Variants in GPRC5C observed in about 807,000 individuals in gnomAD.
GPRC5C encodes the protein G protein-coupled receptor family C group 5 member C.
Under a neutral mutation model 31.4 loss-of-function variants are expected in GPRC5C, and 22 were observed. The ratio of observed to expected loss-of-function variants is 0.70; its 90% confidence interval spans 0.50 to 1.00. The LOEUF is 1.00. GPRC5C is among the 50% of genes least tolerant of loss of function. GPRC5C has a pLI of 0.00. For missense variants in GPRC5C, 557 were observed against 597.2 expected (o/e 0.93, Z 0.70); for synonymous variants, 249 against 257.5 (o/e 0.97, Z 0.32).
intron 2 of GPRC5C, chr17:74,443,263 G>C (rs894814975): frequency 1.0e-4 from 22 of 220,974 alleles, no homozygotes; most frequent in Non-Finnish European, 1.6e-4. Flanking sequence ...CTTGCCAGGG[G>C]GCCACAGGCT....
intron 1 of GPRC5C, among the ~76,000 whole-genome samples, chr17:74,434,872 G>A (rs1448518661): frequency 7.9e-5 from 12 of 151,462 alleles, no homozygotes; most frequent in Admixed American, 5.9e-4. Context: ...GCAGTGAGCC[G>A]AGATCATGCC....
At chr17:74,433,692 C>T (rs573713994) in intron 1 of GPRC5C, 8 of 1,609,706 alleles carry the variant, frequency 5.0e-6, no homozygotes, top group Non-Finnish European at 6.0e-6. Flanking sequence ...TCTGTGGTAT[C>T]CCTGGGGGAA....
At position 74,440,607 on chromosome 17, in the gene GPRC5C, C is replaced by T; in HGVS notation, c.831C>T (p.Asp277=). Reference sequence around the variant, plus strand: ...AGCACAACAGTCCCACCTGGGATGACCCCACGCTGGCCATCGCCCTCGCCG... The same window carrying T: ...AGCACAACAGTCCCACCTGGGATGATCCCACGCTGGCCATCGCCCTCGCCG... The part of the protein sequence containing the change: ...NKQHNSPTWD[D]PTLAIALAAN... Residue 277 remains aspartate (D), a synonymous_variant, in exon 2 of 4, where the codon GAC becomes GAT. Coordinates refer to ENST00000392627, the MANE Select transcript of GPRC5C (RefSeq NM_022036.4). This position sits in a 1 kb window ranked among gnomAD's most constrained non-coding sequence, Gnocchi z 4.4. The T allele has an allele frequency of 6.2e-7, 1 of 1,611,440 alleles. No individual in the cohort carries two copies. The highest frequency in any genetic ancestry group is 8.5e-7 in the Non-Finnish European group (1 of 1,177,716).
At chr17:74,446,721 CAGAGG>C (rs2055641025) in intron 3 of GPRC5C, 123 bp from the exon 4 acceptor site, 1 of 728,846 alleles carries the variant, frequency 1.4e-6, no homozygotes, top group Admixed American at 2.6e-5. Context: ...CCAGAGGGGG[CAGAGG>C]AGCCGAGGGG....
intron 1 of GPRC5C, chr17:74,433,846 A>C: frequency 4.2e-6 from 4 of 953,028 alleles, no homozygotes; most frequent in Non-Finnish European, 6.9e-6. Flanking sequence ...AGGGGGTCTC[A>C]GGCTTGTGTG....
At chr17:74,438,037 TTTTC>T (rs1048432613) in intron 1 of GPRC5C, among the ~76,000 whole-genome samples, 5 of 151,384 alleles carry the variant, frequency 3.3e-5, no homozygotes, top group Admixed American at 2.0e-4. Flanking sequence ...TTTTCTTTTC[TTTTC>T]TTTCTTTTTT....
chr17:74,449,202 C>T, downstream of GPRC5C: 2 of 411,862 alleles, frequency 4.9e-6, no homozygotes, highest in South Asian at 4.1e-5. Context: ...ATAAACTTCT[C>T]CCAAAATTCT....
chr17:74,444,938 A>G (rs868351078), intron 3 of GPRC5C, among the ~76,000 whole-genome samples: 1 of 152,146 alleles, frequency 6.6e-6, no homozygotes, highest in Non-Finnish European at 1.5e-5. Flanking sequence ...CACTAGCCTC[A>G]CCTGGGAGCC....
intron 3 of GPRC5C, chr17:74,446,451 CAAA>C (rs765307845): frequency 3.5e-4 from 37 of 105,782 alleles, no homozygotes; most frequent in Middle Eastern, 4.7e-3. Flanking sequence ...GACTCCGTCT[CAAA>C]AAAAAAAAAA....
chr17:74,450,597 T>C (rs2055704731), downstream of GPRC5C: 1 of 152,244 alleles, frequency 6.6e-6, no homozygotes, highest in Non-Finnish European at 1.5e-5. Context: ...AGATGTGTTG[T>C]TTCTACCTCA....
At chr17:74,434,556 C>G (rs914749149) in intron 1 of GPRC5C, among the ~76,000 whole-genome samples, 1 of 152,218 alleles carries the variant, frequency 6.6e-6, no homozygotes, top group African/African-American at 2.4e-5. Context: ...GCAGAAGTTT[C>G]CTCCAGGGTC....
downstream of GPRC5C, chr17:74,448,953 G>A (rs1041950880): frequency 7.4e-6 from 9 of 1,217,652 alleles, no homozygotes; most frequent in Admixed American, 4.6e-5. Flanking sequence ...CAGCCATGTG[G>A]TTGAGACAGC....
intron 1 of GPRC5C, chr17:74,433,831 G>A: frequency 9.4e-7 from 1 of 1,061,836 alleles, no homozygotes; most frequent in East Asian, 2.4e-5. Context: ...GGCCCTGGTG[G>A]GTGGAGGGGG....
chr17:74,449,618 G>A (rs778131006), downstream of GPRC5C: 131 of 278,142 alleles, frequency 4.7e-4, no homozygotes, highest in Non-Finnish European at 2.5e-4. Context: ...GGAGCTGTCC[G>A]CGGGCCCCCA....
In GPRC5C at chr17:74,440,424, C is replaced by G; in HGVS notation, c.648C>G (p.Val216=). The part of the protein sequence containing the change: ...NMDFVMALIY[V]MLLLLGAFLG... ...ACTTTGTCATGGCACTCATCTACGT[C>G]ATGCTGCTGCTGCTGGGTGCCTTCC... The change falls in exon 2 of 4, where the codon GTC becomes GTG. Residue 216 remains valine, a synonymous_variant. Transcript: ENST00000392627. The surrounding 1 kb of genome is among the most constrained non-coding windows in gnomAD (Gnocchi z 4.4). 6.2e-7 allele frequency: 1 copy of G among 1,614,012 alleles called. No individual in the cohort carries two copies. Among genetic ancestry groups the G allele is most frequent in the Non-Finnish European group, 8.5e-7 (1 of 1,179,902 alleles).
chr17:74,448,995 C>A, downstream of GPRC5C: 2 of 927,784 alleles, frequency 2.2e-6, no homozygotes, highest in Non-Finnish European at 3.0e-6. Context: ...TGGCTCAAGA[C>A]TTTGCCAGGG....
At chr17:74,445,496 A>G (rs908990002) in intron 3 of GPRC5C, 2 of 152,682 alleles carry the variant, frequency 1.3e-5, no homozygotes, top group East Asian at 1.9e-4. Context: ...CTGCGTGGGG[A>G]CTGTGTAGGG....
At chr17:74,444,906 A>C (rs2055602955) in intron 3 of GPRC5C, among the ~76,000 whole-genome samples, 1 of 152,150 alleles carries the variant, frequency 6.6e-6, no homozygotes, top group Non-Finnish European at 1.5e-5. Flanking sequence ...CGGTTCTCAA[A>C]ACATGGTACC....
intron 2 of GPRC5C, among the ~76,000 whole-genome samples, chr17:74,442,223 G>A (rs1002751827): frequency 2.6e-5 from 4 of 152,148 alleles, no homozygotes; most frequent in South Asian, 4.1e-4. Flanking sequence ...GGCTGGTCTC[G>A]AACTGCTAAC....
Sources: allele counts gnomAD v4.1 joint callset (sites outside exome capture counted in the v4.1 genomes callset), GRCh38; gene constraint gnomAD v4.1.1; non-coding constraint Gnocchi (gnomAD v3.1); transcripts MANE v1.5; gene names NCBI Gene and HGNC (gene_info 2026-07-23, HGNC 2026-07-21).